The following RTF2 variants were observed in gnomAD, a reference collection of about 807,000 sequenced individuals.
The protein encoded by RTF2 is UPF0549 protein C20orf43.
Under a neutral mutation model 38.0 loss-of-function variants are expected in RTF2, and 18 were observed. The ratio of observed to expected loss-of-function variants is 0.47; its 90% CI spans 0.33 to 0.70. The LOEUF (loss-of-function observed/expected upper bound fraction) is 0.70, where lower values mean the gene tolerates loss of function less well. RTF2 is among the 30% of genes least tolerant of loss of function. RTF2 has a pLI of 0.02. For synonymous variants in RTF2, 126 were observed against 137.1 expected (o/e 0.92, Z 0.57); for missense variants, 311 against 379.6 (o/e 0.82, Z 1.50).
intron 4 of RTF2, among the ~76,000 whole-genome samples, chr20:56,482,449 T>A (rs1176546674): frequency 2.0e-5 from 3 of 152,238 alleles, no homozygotes; most frequent in Non-Finnish European, 1.5e-5. Flanking sequence ...TCCCAAATAT[T>A]TTTGATCCGG....
chr20:56,506,732 G>A (rs896944433), intron 5 of RTF2, among the ~76,000 whole-genome samples: 17 of 151,454 alleles, frequency 1.1e-4, no homozygotes, highest in East Asian at 9.8e-4. Context: ...AGAGAGTCTC[G>A]CTCTGTCGCC....
intron 4 of RTF2, among the ~76,000 whole-genome samples, chr20:56,480,514 T>G (rs956300466): frequency 1.3e-5 from 2 of 152,254 alleles, no homozygotes; most frequent in South Asian, 4.1e-4. Context: ...GTGGCACTTT[T>G]AATTTCCTTC....
Position 56,517,192 on chromosome 20 carries a change from A to G in RTF2, c.733A>G (p.Lys245Glu). Residue 245 changes from lysine to glutamate, a missense_variant, in exon 8 of 9, where the codon AAA becomes GAA. Transcript: ENST00000357348. The part of the protein sequence containing the change: ...SREKKTNLAP[K>E]STAMNESSSG... ...AGAGAAGAAAACCAACTTGGCTCCC[A>G]AAAGCACAGGTGGGTCCTGTTGTAG... 6.2e-7 allele frequency: 1 copy of G among 1,613,808 alleles called. No homozygotes were observed. Among genetic ancestry groups the G allele is most frequent in the Non-Finnish European group, 8.5e-7 (1 of 1,179,760 alleles).
chr20:56,497,500 GTTC>G lies in RTF2; in HGVS notation c.477+13319_477+13321del, dbSNP rs1004157680. The G allele has an allele frequency of 6.1e-6, 9 of 1,483,056 alleles. No individual in the cohort carries two copies. The Admixed American group carries it at 6.1e-5, about 10-fold the overall frequency. The allele number at this position is 1,483,056 out of a possible 1,614,324, so 91.9% of individuals were successfully genotyped here. ...CATTCTACTACTTCTGGTTGGGCAG[GTTC>G]TTCTTCTGATTCTGCAGGAGTTGGA... On this transcript the variant is annotated intron_variant, in intron 5 of 8. Transcript: ENST00000357348.
chr20:56,515,641 C>CAG (rs1568713923), intron 6 of RTF2: 2 of 144,072 alleles, frequency 1.4e-5, no homozygotes, highest in East Asian at 4.3e-4. Flanking sequence ...CACACACACA[C>CAG]AGTGAGATTC....
At chr20:56,518,000 G>A (rs1985157403) in intron 8 of RTF2, 87 bp from the exon 9 acceptor site, 2 of 1,340,006 alleles carry the variant, frequency 1.5e-6, no homozygotes, top group Middle Eastern at 2.0e-4. Context: ...CTGGGACAGA[G>A]TGACTGATGG....
At chr20:56,498,746 A>G (rs535274900) in intron 5 of RTF2, among the ~76,000 whole-genome samples, 5 of 152,192 alleles carry the variant, frequency 3.3e-5, no homozygotes, top group Non-Finnish European at 7.4e-5. Context: ...TTATATTGTT[A>G]GAAAGTATTT....
intron 8 of RTF2, 61 bp from the exon 9 acceptor site, chr20:56,518,026 A>T: frequency 6.7e-7 from 1 of 1,498,504 alleles, no homozygotes; most frequent in Non-Finnish European, 9.1e-7. Context: ...CCTTCTGAGG[A>T]TGCGAAGTTT....
intron 5 of RTF2, among the ~76,000 whole-genome samples, chr20:56,494,576 G>A (rs900428826): frequency 6.6e-6 from 1 of 152,140 alleles, no homozygotes. Context: ...TCTACCATGT[G>A]AATGGATCCC....
chr20:56,506,068 G>A (rs536614403), intron 5 of RTF2, among the ~76,000 whole-genome samples: 3 of 152,108 alleles, frequency 2.0e-5, no homozygotes, highest in Non-Finnish European at 4.4e-5. Flanking sequence ...CAAGCTTTTG[G>A]GAGAACTGCT....
At chr20:56,470,531 T>A (rs1981904327) in intron 1 of RTF2, 1 of 452,810 alleles carries the variant, frequency 2.2e-6, no homozygotes, top group Admixed American at 2.4e-5. Context: ...TCTGCCCTGG[T>A]TCCTAACGCA....
At chr20:56,479,872 C>T (rs778063450) in intron 4 of RTF2, among the ~76,000 whole-genome samples, 13 of 149,592 alleles carry the variant, frequency 8.7e-5, no homozygotes, top group African/African-American at 1.5e-4. Flanking sequence ...TAAAATATTC[C>T]GTAAGCCATG....
At chr20:56,498,841 C>T (rs190270710) in intron 5 of RTF2, among the ~76,000 whole-genome samples, 12 of 152,276 alleles carry the variant, frequency 7.9e-5, no homozygotes, top group Admixed American at 3.9e-4. Flanking sequence ...AGACCATGTA[C>T]GTGTGACTGG....
intron 5 of RTF2, among the ~76,000 whole-genome samples, chr20:56,486,743 G>A (rs1982815390): frequency 1.3e-5 from 2 of 152,194 alleles, no homozygotes; most frequent in Admixed American, 6.5e-5. Context: ...GATATTGACA[G>A]TACAGTTGGC....
At position 56,474,607 on chromosome 20, in the gene RTF2, A is replaced by G. The variant is rs540653516; in HGVS notation, c.165-71A>G. ...TGTAAACGACTTTTGGATTGTGTTC[A>G]GTTTATTCTTCCTTCTTTGGTTATT... On this transcript the variant is annotated intron_variant, in intron 2 of 8. Transcript: ENST00000357348. The G allele has an allele frequency of 1.6e-5, 15 of 920,296 alleles. No individual in the cohort carries two copies. The East Asian group carries it at 3.3e-4, about 21-fold the overall frequency. The allele number at this position is 920,296 out of a possible 1,614,324, so 57.0% of individuals were successfully genotyped here.
At chr20:56,496,610 A>G (rs201037589) in intron 5 of RTF2, 63 of 1,465,798 alleles carry the variant, frequency 4.3e-5, no homozygotes, top group African/African-American at 3.1e-4. Flanking sequence ...CTGACTGCAC[A>G]GGCATCCATA....
At chr20:56,511,213 G>A (rs975062753) in intron 5 of RTF2, among the ~76,000 whole-genome samples, 11 of 152,118 alleles carry the variant, frequency 7.2e-5, no homozygotes, top group Admixed American at 3.3e-4. Context: ...GTGACAGTCC[G>A]TGGCCTCTTA....
intron 5 of RTF2, among the ~76,000 whole-genome samples, chr20:56,512,996 CGTT>C (rs1911802023): frequency 2.0e-5 from 3 of 152,136 alleles, no homozygotes; most frequent in Admixed American, 2.0e-4. Context: ...GCATAGACCA[CGTT>C]GTTCATACAA....
At chr20:56,512,218 A>G (rs1003146166) in intron 5 of RTF2, among the ~76,000 whole-genome samples, 2 of 152,170 alleles carry the variant, frequency 1.3e-5, no homozygotes, top group Admixed American at 1.3e-4. Flanking sequence ...CAGGTGGCCT[A>G]GACAGATGGT....
Sources: gnomAD v4.1 joint callset for allele counts (sites outside exome capture counted in the v4.1 genomes callset) on GRCh38, gnomAD v4.1.1 for gene constraint, MANE v1.5 for transcripts, NCBI Gene and HGNC (gene_info 2026-07-23, HGNC 2026-07-21) for gene names.